PCDH9: variants seen among roughly 807,000 people sequenced by gnomAD.
The protein encoded by PCDH9 is protocadherin-9.
Under a neutral mutation model 70.6 loss-of-function variants are expected in PCDH9, and 24 were observed. The ratio of observed to expected loss-of-function variants is 0.34; its 90% CI spans 0.25 to 0.48. PCDH9 has a LOEUF of 0.48. PCDH9 is among the 20% of genes least tolerant of loss of function. The probability of loss-of-function intolerance (pLI) is 0.99; values close to 1 mark genes in which losing one functional copy is unlikely to be tolerated. For missense variants in PCDH9, 1,281 were observed against 1,503.6 expected, an observed-to-expected ratio of 0.85 and a Z score of 2.45; for synonymous variants, 562 against 558.5, an observed-to-expected ratio of 1.01 and a Z score of -0.09.
chr13:66,543,959 T>C (rs1242479602), intron 4 of PCDH9, among the ~76,000 whole-genome samples: 1 of 152,172 alleles, frequency 6.6e-6, no homozygotes, highest in Non-Finnish European at 1.5e-5. Context: ...GGCCATCTAC[T>C]GAGTCTGAAC....
At chr13:67,007,867 C>T (rs1253910450) in intron 2 of PCDH9, among the ~76,000 whole-genome samples, 1 of 152,084 alleles carries the variant, frequency 6.6e-6, no homozygotes, top group Non-Finnish European at 1.5e-5. Context: ...TCAACTTTAC[C>T]TCATGAAAAA....
At chr13:66,479,122 G>A (rs1958789241) in intron 4 of PCDH9, among the ~76,000 whole-genome samples, 1 of 152,186 alleles carries the variant, frequency 6.6e-6, no homozygotes, top group Non-Finnish European at 1.5e-5. Context: ...CTCTAGAAAT[G>A]GAACAAGAAA....
At chr13:67,184,879 A>G (rs75830049) in intron 2 of PCDH9, among the ~76,000 whole-genome samples, 1,853 of 152,306 alleles carry the variant, frequency 0.012, 40 homozygotes, top group African/African-American at 0.042. Flanking sequence ...TGACCTGTCA[A>G]AAGATTATTC....
At chr13:66,947,732 TAATAAC>T (rs1242477056) in intron 2 of PCDH9, among the ~76,000 whole-genome samples, 4 of 152,130 alleles carry the variant, frequency 2.6e-5, no homozygotes. Context: ...TTATTTCTGC[TAATAAC>T]TTGGATATGT....
intron 2 of PCDH9, among the ~76,000 whole-genome samples, chr13:67,054,714 T>C (rs368779273): frequency 1.3e-5 from 2 of 152,184 alleles, no homozygotes; most frequent in South Asian, 4.1e-4. Flanking sequence ...TAATCTGTTA[T>C]AATCAATGTT....
chr13:67,013,769 A>G (rs748947821), intron 2 of PCDH9, among the ~76,000 whole-genome samples: 17 of 152,152 alleles, frequency 1.1e-4, no homozygotes, highest in Non-Finnish European at 2.4e-4. Flanking sequence ...TGTCCCGTAT[A>G]AAAACAATTC....
intron 3 of PCDH9, among the ~76,000 whole-genome samples, chr13:66,757,225 G>C (rs918418551): frequency 7.2e-5 from 11 of 152,130 alleles, no homozygotes; most frequent in Non-Finnish European, 1.6e-4. Flanking sequence ...GAAAATTCTT[G>C]TTGAAGACGG....
intron 4 of PCDH9, among the ~76,000 whole-genome samples, chr13:66,557,033 C>T (rs1024761123): frequency 3.3e-5 from 5 of 152,016 alleles, no homozygotes; most frequent in Admixed American, 2.0e-4. Context: ...GATTACAGGT[C>T]GATTTTAATT....
intron 2 of PCDH9, among the ~76,000 whole-genome samples, chr13:67,054,350 GCAGA>G (rs1230379079): frequency 6.6e-6 from 1 of 152,098 alleles, no homozygotes; most frequent in Non-Finnish European, 1.5e-5. Context: ...CCACAGACAA[GCAGA>G]CAAAGACCTT....
Position 66,855,795 on chromosome 13 carries a change from G to A in PCDH9, c.3138+47709C>T, listed in dbSNP as rs377701084. Among the ~76,000 whole-genome samples the A allele has an allele frequency of 7.2e-5, 11 of 151,878 alleles. No individual in the cohort carries two copies. In the East Asian group the frequency reaches 2.1e-3, roughly 29 times the overall value. On this transcript the variant is annotated intron_variant, in intron 3 of 4. Coordinates refer to ENST00000377865, the MANE Select transcript of PCDH9 (RefSeq NM_203487.3). ...CTTTTCTGTTCTTTTCACAGGGAATGATAATTTGTTGGTATTTATATATGA... is the reference window on the plus strand; with the variant it reads ...CTTTTCTGTTCTTTTCACAGGGAATAATAATTTGTTGGTATTTATATATGA...
At chr13:66,752,489 G>A (rs781599701) in intron 3 of PCDH9, among the ~76,000 whole-genome samples, 4 of 152,070 alleles carry the variant, frequency 2.6e-5, no homozygotes, top group Admixed American at 6.6e-5. Context: ...TAGAGACAGG[G>A]TTTCACCATG....
chr13:66,490,761 C>T (rs879493333), intron 4 of PCDH9, among the ~76,000 whole-genome samples: 2 of 151,840 alleles, frequency 1.3e-5, no homozygotes, highest in African/African-American at 2.4e-5. Flanking sequence ...AAAAAAAATT[C>T]CTGATGCAAA....
intron 3 of PCDH9, among the ~76,000 whole-genome samples, chr13:66,735,389 G>T (rs1427536208): frequency 6.6e-6 from 1 of 151,792 alleles, no homozygotes; most frequent in Non-Finnish European, 1.5e-5. Context: ...CTAAAGATTG[G>T]GTACACTTTG....
chr13:66,645,681 A>C (rs1438622447), intron 3 of PCDH9, among the ~76,000 whole-genome samples: 3 of 152,172 alleles, frequency 2.0e-5, no homozygotes, highest in Non-Finnish European at 4.4e-5. Flanking sequence ...GACTCCCTAG[A>C]GCTCTTTAGT....
chr13:66,523,025 A>G (rs1339427915), intron 4 of PCDH9, among the ~76,000 whole-genome samples: 1 of 152,090 alleles, frequency 6.6e-6, no homozygotes, highest in Non-Finnish European at 1.5e-5. Context: ...AATAGAGCCC[A>G]CTGCATTTCT....
At chr13:66,894,780 A>G (rs2082149745) in intron 3 of PCDH9, among the ~76,000 whole-genome samples, 3 of 152,026 alleles carry the variant, frequency 2.0e-5, no homozygotes, top group South Asian at 4.2e-4. Flanking sequence ...TAATATATAC[A>G]TATACTTAAA....
At chr13:66,528,603 A>C (rs1419501795) in intron 4 of PCDH9, among the ~76,000 whole-genome samples, 1 of 152,132 alleles carries the variant, frequency 6.6e-6, no homozygotes, top group Non-Finnish European at 1.5e-5. Flanking sequence ...GTGGAATATC[A>C]TTTATTTAAG....
At chr13:66,776,644 G>C (rs2079898833) in intron 3 of PCDH9, among the ~76,000 whole-genome samples, 1 of 152,110 alleles carries the variant, frequency 6.6e-6, no homozygotes, top group Non-Finnish European at 1.5e-5. Flanking sequence ...ACAAACAAAT[G>C]GAAGAACATT....
intron 2 of PCDH9, among the ~76,000 whole-genome samples, chr13:67,172,587 G>A (rs770401771): frequency 6.6e-6 from 1 of 152,028 alleles, no homozygotes; most frequent in African/African-American, 2.4e-5. Context: ...TTCAAGAATG[G>A]ATGGTTTTGG....
Sources: gnomAD v4.1 joint callset for allele counts (sites outside exome capture counted in the v4.1 genomes callset) on GRCh38, gnomAD v4.1.1 for gene constraint, MANE v1.5 for transcripts, NCBI Gene and HGNC (gene_info 2026-07-23, HGNC 2026-07-21) for gene names.